The following ZNF449 variants were observed in gnomAD, a reference collection of about 807,000 sequenced individuals.
ZNF449 encodes zinc finger protein 449, also known as zinc finger and SCAN domain-containing protein 19.
A neutral mutation model predicts 32.6 loss-of-function variants in ZNF449; 4 were observed. The observed-to-expected ratio is 0.12, with a 90% confidence interval of 0.06 to 0.28. ZNF449 has a LOEUF of 0.28. Ranked by LOEUF, ZNF449 falls within the 10% of genes least tolerant of loss-of-function variation. The pLI, the probability that ZNF449 is intolerant of heterozygous loss-of-function variation, is 1.00. For synonymous variants in ZNF449, 123 were observed against 132.2 expected, an observed-to-expected ratio of 0.93 and a Z score of 0.48; for missense variants, 275 against 383.2, an observed-to-expected ratio of 0.72 and a Z score of 2.36.
chrX:135,351,977 C>T (rs924784388), intron 3 of ZNF449, among the ~76,000 whole-genome samples: 5 of 111,615 alleles, frequency 4.5e-5, no homozygotes, highest in Non-Finnish European at 9.4e-5. Flanking sequence ...TTCTTATCAC[C>T]GTTTAAAGTG....
chrX:135,360,265 T>C lies in ZNF449; in HGVS notation c.746T>C (p.Ile249Thr), dbSNP rs1293214408. The change falls in exon 5 of 5, where the codon ATT becomes ACT. Residue 249 changes from isoleucine to threonine, a missense_variant. Coordinates refer to ENST00000339249, the MANE Select transcript of ZNF449 (RefSeq NM_152695.6). ...AAAATGGAGACTATGTATCCATTTA[T>C]TGTAACTTTAGAGGGGAATGCTCTC... ...QKKMETMYPF[I>T]VTLEGNALQG... The C allele has an allele frequency of 8.3e-7, 1 of 1,205,895 alleles. No homozygotes were observed. Among genetic ancestry groups the C allele is most frequent in the Non-Finnish European group, 1.1e-6 (1 of 893,883 alleles).
intron 3 of ZNF449, among the ~76,000 whole-genome samples, chrX:135,353,727 T>C (rs1266501357): frequency 8.9e-6 from 1 of 112,045 alleles, no homozygotes; most frequent in Non-Finnish European, 1.9e-5. Context: ...TATTTTGATA[T>C]GTGTGTACAA....
intron 3 of ZNF449, 26 bp downstream of exon 3, chrX:135,349,340 T>C: frequency 8.4e-7 from 1 of 1,195,746 alleles, no homozygotes; most frequent in East Asian, 3.0e-5. Flanking sequence ...CTCTCCTTTC[T>C]TTTGTTTCTG....
chrX:135,352,508 T>C (rs971608956), intron 3 of ZNF449, among the ~76,000 whole-genome samples: 1 of 111,928 alleles, frequency 8.9e-6, no homozygotes, highest in African/African-American at 3.2e-5. Context: ...AAATATGGAG[T>C]TCAAAATTCG....
chrX:135,347,783 A>ATGG, intron 2 of ZNF449: 1 of 622,849 alleles, frequency 1.6e-6, no homozygotes, highest in Non-Finnish European at 2.4e-6. Flanking sequence ...CCTGAAGGCC[A>ATGG]ATTCTAGCCA....
chrX:135,356,969 T>C (rs1317952015), intron 3 of ZNF449, among the ~76,000 whole-genome samples: 1 of 110,988 alleles, frequency 9.0e-6, no homozygotes, highest in Non-Finnish European at 1.9e-5. Context: ...GAAATCTGCC[T>C]GTAAGTGTAT....
At chrX:135,360,036 GAA>G in intron 4 of ZNF449, 31 bp downstream of exon 4, 1 of 1,063,343 alleles carries the variant, frequency 9.4e-7, no homozygotes, top group Non-Finnish European at 1.3e-6. Context: ...ATACTAGTGG[GAA>G]AAAAAAAGAA....
chrX:135,348,601 G>GTTC (rs1262622830), intron 2 of ZNF449: 3 of 340,966 alleles, frequency 8.8e-6, no homozygotes, highest in African/African-American at 8.4e-5. Context: ...GTCTATGGGG[G>GTTC]TTCTCTGCAG....
In ZNF449 at chrX:135,361,913, C is replaced by T. The variant is rs1307817870; in HGVS notation, c.*837C>T. On this transcript the variant is annotated 3_prime_UTR_variant, in exon 5 of 5. Coordinates refer to ENST00000339249, the MANE Select transcript of ZNF449 (RefSeq NM_152695.6). The stretch of plus-strand genomic sequence containing the variant: ...TTCGCCTTCTTAGGTTCATAGTACA[C>T]ATCAGCATATGAGAATCTCTGAGAG... 1 of 111,636 alleles carries T rather than the reference C, an allele frequency of 9.0e-6. No individual in the cohort carries two copies. The highest frequency in any genetic ancestry group is 3.2e-5 in the African/African-American group (1 of 30,785). 9.2% of individuals were successfully genotyped at this position (111,636 alleles called of 1,213,427 possible). A position where few individuals can be genotyped will look rare whatever the true frequency, so the allele number is the denominator to read the frequency against.
rs202119439 is a variant in ZNF449, at chrX:135,349,331, T to C, written c.559+17T>C. 4,271 of 1,200,088 alleles carry C rather than the reference T, an allele frequency of 3.6e-3. 10 individuals carry two copies. Among genetic ancestry groups the C allele is most frequent in the Non-Finnish European group, 4.0e-3 (3,578 of 887,491 alleles). ...TGGACCCTGGTAAGGCAAGGGTTTC[T>C]CTCCTTTCTTTTGTTTCTGTTTTGA... is the stretch of plus-strand genomic sequence containing the variant. On this transcript the variant is annotated intron_variant, in intron 3 of 4. Transcript: ENST00000339249.
At chrX:135,357,275 T>G (rs1191766179) in intron 3 of ZNF449, among the ~76,000 whole-genome samples, 2 of 111,865 alleles carry the variant, frequency 1.8e-5, no homozygotes, top group African/African-American at 6.5e-5. Flanking sequence ...TTTTAGCTCT[T>G]ACATCTAAGA....
At chrX:135,349,614 A>G (rs1190851652) in intron 3 of ZNF449, among the ~76,000 whole-genome samples, 2 of 111,929 alleles carry the variant, frequency 1.8e-5, no homozygotes, top group Non-Finnish European at 3.8e-5. Context: ...AATTTTAATC[A>G]ACAGGAACTG....
At chrX:135,358,049 T>C (rs1319418338) in intron 3 of ZNF449, among the ~76,000 whole-genome samples, 1 of 111,724 alleles carries the variant, frequency 9.0e-6, no homozygotes, top group East Asian at 2.8e-4. Context: ...TGTTCTTCTA[T>C]CCCTCTTTTA....
intron 3 of ZNF449, among the ~76,000 whole-genome samples, chrX:135,353,084 G>A (rs1300110074): frequency 8.9e-6 from 1 of 111,737 alleles, no homozygotes. Flanking sequence ...TTGTGAAGAT[G>A]TCATCAGGGA....
intron 3 of ZNF449, 77 bp downstream of exon 3, chrX:135,349,391 A>C: frequency 1.1e-6 from 1 of 949,419 alleles, no homozygotes; most frequent in Non-Finnish European, 1.5e-6. Flanking sequence ...GGGTTGGGTT[A>C]GAAACACCAA....
intron 1 of ZNF449, among the ~76,000 whole-genome samples, chrX:135,345,702 G>A (rs1175599739): frequency 1.8e-5 from 2 of 111,785 alleles, no homozygotes; most frequent in Non-Finnish European, 3.8e-5. Context: ...GCTAAAGTCG[G>A]GCTACCATCA....
intron 3 of ZNF449, among the ~76,000 whole-genome samples, 191 bp from the exon 4 acceptor site, chrX:135,359,701 T>A (rs1174621069): frequency 1.8e-5 from 2 of 112,081 alleles, no homozygotes; most frequent in Non-Finnish European, 3.8e-5. Flanking sequence ...TAGCTTTGAA[T>A]TGAACACCAC....
intron 3 of ZNF449, 112 bp downstream of exon 3, chrX:135,349,426 A>C (rs1316813335): frequency 1.4e-6 from 1 of 718,776 alleles, no homozygotes; most frequent in Non-Finnish European, 2.0e-6. Context: ...TTGACCACTC[A>C]GATAAAGAAG....
At chrX:135,357,855 G>C (rs2084926067) in intron 3 of ZNF449, among the ~76,000 whole-genome samples, 1 of 110,494 alleles carries the variant, frequency 9.1e-6, no homozygotes, top group Non-Finnish European at 1.9e-5. Flanking sequence ...CAATCGGTTT[G>C]TATCTTTGAA....
Sources: allele counts gnomAD v4.1 joint callset (sites outside exome capture counted in the v4.1 genomes callset), GRCh38; gene constraint gnomAD v4.1.1; transcripts MANE v1.5; gene names NCBI Gene and HGNC (gene_info 2026-07-23, HGNC 2026-07-21).